The following ROCK2 variants were observed in gnomAD, a reference collection of about 807,000 sequenced individuals.
ROCK2 encodes rho-associated protein kinase 2.
In ROCK2, 61 loss-of-function variants were observed where a neutral mutation model predicts 195.1. That is an observed-to-expected ratio of 0.31 (90% confidence interval 0.25 to 0.39). The LOEUF is 0.39. ROCK2 is among the 10% of genes least tolerant of loss of function. ROCK2 has a pLI of 1.00. For missense variants in ROCK2, 1,109 were observed against 1,637.4 expected (o/e 0.68, Z 5.57); for synonymous variants, 504 against 545.5 (o/e 0.92, Z 1.06).
intron 23 of ROCK2, 117 bp from the exon 24 acceptor site, chr2:11,198,891 T>C (rs1663743017): frequency 1.4e-6 from 1 of 697,618 alleles, no homozygotes; most frequent in Non-Finnish European, 2.3e-6. Flanking sequence ...TTCTTTTTTT[T>C]TTTTTTTTGA....
rs768629730 is a variant in ROCK2, at chr2:11,192,863, G to A, written c.3688-151C>T. 33 of 916,228 alleles carry A rather than the reference G, an allele frequency of 3.6e-5. No homozygotes were observed. The highest frequency in any genetic ancestry group is 2.3e-4 in the South Asian group (12 of 53,060). 56.8% of individuals were successfully genotyped at this position (916,228 alleles called of 1,614,324 possible). A position where few individuals can be genotyped will look rare whatever the true frequency, so the allele number is the denominator to read the frequency against. Reference sequence around the variant, plus strand: ...AGTACAAACTTAAGCTCTTGATTACGCAAACTTAATCAAGAGCTTATATAA... The same window carrying A: ...AGTACAAACTTAAGCTCTTGATTACACAAACTTAATCAAGAGCTTATATAA... On this transcript the variant is annotated intron_variant, in intron 30 of 32. Coordinates refer to ENST00000315872, the MANE Select transcript of ROCK2 (RefSeq NM_004850.5). The surrounding 1 kb of genome is among the most constrained non-coding windows in gnomAD (Gnocchi z 5.0).
chr2:11,320,855 A>T (rs913917337), intron 1 of ROCK2, among the ~76,000 whole-genome samples: 2 of 152,196 alleles, frequency 1.3e-5, no homozygotes, highest in African/African-American at 4.8e-5. Context: ...GCAGAAGCAG[A>T]GCTAGAAGCC....
intron 5 of ROCK2, chr2:11,233,879 A>C (rs1166404652): frequency 6.6e-6 from 1 of 152,170 alleles, no homozygotes; most frequent in African/African-American, 2.4e-5. Flanking sequence ...GGAAAATATA[A>C]AATAAAAGCA....
chr2:11,230,525 G>T (rs999208809), intron 5 of ROCK2, among the ~76,000 whole-genome samples: 3 of 152,102 alleles, frequency 2.0e-5, no homozygotes, highest in Non-Finnish European at 4.4e-5. Context: ...AAATGATAGA[G>T]AATAGGGTAC....
chr2:11,190,019 A>G (rs1303283888), intron 32 of ROCK2, among the ~76,000 whole-genome samples: 1 of 152,060 alleles, frequency 6.6e-6, no homozygotes, highest in Non-Finnish European at 1.5e-5. Context: ...TAATAATAAA[A>G]TGCAGGTTGA....
intron 5 of ROCK2, among the ~76,000 whole-genome samples, chr2:11,231,239 T>C (rs921976504): frequency 1.3e-5 from 2 of 151,994 alleles, no homozygotes; most frequent in African/African-American, 4.8e-5. Flanking sequence ...AGTCTCGCTT[T>C]GTCACCCAGG....
intron 1 of ROCK2, among the ~76,000 whole-genome samples, chr2:11,301,739 T>C (rs1453936102): frequency 2.0e-5 from 3 of 147,640 alleles, no homozygotes; most frequent in East Asian, 4.1e-4. Context: ...GATCGCGCCA[T>C]TGCACTCCAG....
chr2:11,254,829 A>C (rs1665964869), intron 3 of ROCK2, among the ~76,000 whole-genome samples: 1 of 151,902 alleles, frequency 6.6e-6, no homozygotes, highest in South Asian at 2.1e-4. Flanking sequence ...GCTCTAAAGT[A>C]AGACCTACTC....
rs1483694459 is a variant in ROCK2, at chr2:11,296,009, A to AGGGGGG, written c.142-8274_142-8273insCCCCCC. Among the ~76,000 whole-genome samples the AGGGGGG allele has an allele frequency of 9.9e-5, 10 of 101,288 alleles. 1 individual carries two copies. The highest frequency in any genetic ancestry group is 2.1e-4 in the Non-Finnish European group (10 of 48,662). 66.4% of individuals were successfully genotyped at this position (101,288 alleles called of 152,430 possible). On this transcript the variant is annotated intron_variant, in intron 1 of 32. Coordinates refer to ENST00000315872, the MANE Select transcript of ROCK2 (RefSeq NM_004850.5). Reference sequence around the variant, plus strand: ...GAGAGAGGAGAGAGAGAGAGAGGAGAGAGAGAGAGAGAGAGAGAGAGAGAG... The same window carrying AGGGGGG: ...GAGAGAGGAGAGAGAGAGAGAGGAGAGGGGGGGAGAGAGAGAGAGAGAGAGAGAGAG...
Position 11,344,099 on chromosome 2 carries a change from G to A in ROCK2, c.38C>T (p.Ala13Val), listed in dbSNP as rs752775547. The A allele has an allele frequency of 5.1e-5, 78 of 1,519,242 alleles. No homozygotes were observed. The African/African-American group carries it at 7.8e-4, about 15-fold the overall frequency. 94.1% of individuals were successfully genotyped at this position (1,519,242 alleles called of 1,614,324 possible). ...RPPPTGKMPGAPETAPGDGAG... is the reference protein window; with the variant it reads ...RPPPTGKMPGVPETAPGDGAG... ...CCCGTCCCCCGGCGCGGTCTCGGGGGCGCCGGGCATTTTCCCCGTCGGCGG... is the reference window on the plus strand; with the variant it reads ...CCCGTCCCCCGGCGCGGTCTCGGGGACGCCGGGCATTTTCCCCGTCGGCGG... The change falls in exon 1 of 33, where the codon GCC becomes GTC. Residue 13 changes from alanine (A) to valine (V), a missense_variant. Physicochemically the swap from Ala to Val is moderately conservative, Grantham distance 64. Coordinates refer to ENST00000315872, the MANE Select transcript of ROCK2 (RefSeq NM_004850.5). The surrounding 1 kb of genome is among the most constrained non-coding windows in gnomAD (Gnocchi z 5.4).
chr2:11,283,843 A>T (rs1221034498), intron 3 of ROCK2, among the ~76,000 whole-genome samples: 2 of 152,320 alleles, frequency 1.3e-5, no homozygotes, highest in East Asian at 3.9e-4. Flanking sequence ...TTTAGAAAAC[A>T]GTTTGGCAGT....
chr2:11,188,063 A>G (rs1022173291), intron 32 of ROCK2, among the ~76,000 whole-genome samples: 4 of 151,894 alleles, frequency 2.6e-5, no homozygotes, highest in Admixed American at 6.6e-5. Context: ...TAAAAGAAAA[A>G]TAATTAAAGA....
chr2:11,343,330 C>T (rs985988151), intron 1 of ROCK2, among the ~76,000 whole-genome samples: 1 of 152,110 alleles, frequency 6.6e-6, no homozygotes, highest in Non-Finnish European at 1.5e-5. Context: ...ATCTGGATTT[C>T]AAAGGTCGTT....
chr2:11,214,782 G>C, intron 16 of ROCK2, 58 bp downstream of exon 16: 1 of 1,483,562 alleles, frequency 6.7e-7, no homozygotes, highest in Non-Finnish European at 9.1e-7. Flanking sequence ...ATCATCTAAA[G>C]TTATTTTTAA....
At chr2:11,342,568 A>T (rs1481496325) in intron 1 of ROCK2, among the ~76,000 whole-genome samples, 2 of 152,176 alleles carry the variant, frequency 1.3e-5, no homozygotes, top group African/African-American at 4.8e-5. Context: ...TTTTTAACTA[A>T]ACTTTCTGGC....
chr2:11,317,627 T>TTTTTAA (rs1192587957), intron 1 of ROCK2, among the ~76,000 whole-genome samples: 2 of 31,424 alleles, frequency 6.4e-5, no homozygotes, highest in Non-Finnish European at 1.4e-4. Flanking sequence ...TTTTTTTTTT[T>TTTTTAA]AATTATACTT....
rs750714720 is a variant in ROCK2 at position 11,183,447 on chromosome 2, AG to A, written c.4164-8del. 5 of 1,586,894 alleles carry A rather than the reference AG, an allele frequency of 3.2e-6. No homozygotes were observed. In the African/African-American group the frequency reaches 5.4e-5, roughly 17 times the overall value. On this transcript the variant is annotated splice_region_variant and splice_polypyrimidine_tract_variant and intron_variant, in intron 32 of 32. Coordinates refer to ENST00000315872, the MANE Select transcript of ROCK2 (RefSeq NM_004850.5). ...TTTCATAGAAGGCAGTTAGCTGAAA[AG>A]AAAGGAAAAATAAAGTTAGTTGATA...
At chr2:11,274,517 AACAG>A (rs745964245) in intron 3 of ROCK2, among the ~76,000 whole-genome samples, 5 of 152,214 alleles carry the variant, frequency 3.3e-5, no homozygotes, top group South Asian at 2.1e-4. Context: ...ACTTAGATAA[AACAG>A]ACAAATTCCT....
At chr2:11,295,135 TTCC>T (rs72213223) in intron 1 of ROCK2, among the ~76,000 whole-genome samples, 110,822 of 151,320 alleles carry the variant, frequency 0.73, 42,374 homozygotes, top group East Asian at 0.94. Flanking sequence ...ATTTTATCTT[TTCC>T]TCTATTAAAA....
Sources: gnomAD v4.1 joint callset for allele counts (sites outside exome capture counted in the v4.1 genomes callset) on GRCh38, gnomAD v4.1.1 for gene constraint, Gnocchi (gnomAD v3.1) non-coding constraint, MANE v1.5 for transcripts, NCBI Gene and HGNC (gene_info 2026-07-23, HGNC 2026-07-21) for gene names.